ATRNL1: variants seen among roughly 807,000 people sequenced by gnomAD.
ATRNL1 encodes attractin-like protein 1.
Under a neutral mutation model 182.7 loss-of-function variants are expected in ATRNL1, and 95 were observed. The observed-to-expected ratio is 0.52, with a 90% confidence interval of 0.44 to 0.62. ATRNL1 has a LOEUF of 0.62. ATRNL1 is among the 20% of genes least tolerant of loss of function. The pLI is 0.00. For missense variants in ATRNL1, 1,471 were observed against 1,679.5 expected, an observed-to-expected ratio of 0.88 and a Z score of 2.17; for synonymous variants, 576 against 568.3, an observed-to-expected ratio of 1.01 and a Z score of -0.19.
In ATRNL1 at chr10:115,127,589, T is replaced by G. The variant is rs1845029163; in HGVS notation, c.492-4T>G. The G allele has an allele frequency of 6.2e-7, 1 of 1,608,182 alleles. No homozygotes were observed. Among genetic ancestry groups the G allele is most frequent in the Admixed American group, 1.7e-5 (1 of 59,052 alleles). ...ATACAATATTCAGTTTTGTTCTCTTTTAGTGGTTTGATAGTCCCTGAAATA... is the reference window on the plus strand; with the variant it reads ...ATACAATATTCAGTTTTGTTCTCTTGTAGTGGTTTGATAGTCCCTGAAATA... On this transcript the variant is annotated splice_polypyrimidine_tract_variant and splice_region_variant and intron_variant, in intron 3 of 28. Transcript: ENST00000355044.
chr10:115,487,937 G>T (rs781923292), intron 24 of ATRNL1, among the ~76,000 whole-genome samples: 13 of 152,108 alleles, frequency 8.5e-5, no homozygotes, highest in Non-Finnish European at 1.8e-4. Flanking sequence ...AGTATGAAAG[G>T]CTGTTGAATT....
intron 26 of ATRNL1, among the ~76,000 whole-genome samples, chr10:115,666,140 A>G (rs141831396): frequency 1.4e-3 from 207 of 152,312 alleles, no homozygotes; most frequent in African/African-American, 4.6e-3. Flanking sequence ...TGACAAAAAT[A>G]TAGATTCTTT....
chr10:115,329,155 G>A (rs555009068), intron 18 of ATRNL1, among the ~76,000 whole-genome samples: 2 of 151,864 alleles, frequency 1.3e-5, no homozygotes, highest in South Asian at 4.2e-4. Flanking sequence ...ATTTACCCAT[G>A]GCTGTTTAGG....
intron 24 of ATRNL1, among the ~76,000 whole-genome samples, chr10:115,494,653 G>A (rs979070787): frequency 6.6e-6 from 1 of 152,078 alleles, no homozygotes; most frequent in East Asian, 1.9e-4. Flanking sequence ...TATTGATCTA[G>A]GTATGTTGAA....
intron 5 of ATRNL1, 56 bp from the exon 6 acceptor site, chr10:115,159,984 C>A: frequency 7.6e-7 from 1 of 1,314,776 alleles, no homozygotes; most frequent in Non-Finnish European, 1.0e-6. Flanking sequence ...TGTTGTATTT[C>A]TATAATCTGA....
At chr10:115,190,165 A>C (rs1455466165) in intron 8 of ATRNL1, among the ~76,000 whole-genome samples, 2 of 152,158 alleles carry the variant, frequency 1.3e-5, no homozygotes, top group Non-Finnish European at 2.9e-5. Context: ...CATTTCTCAG[A>C]ATGTATCCTC....
At chr10:115,316,085 C>CCAT (rs1464859622) in intron 18 of ATRNL1, among the ~76,000 whole-genome samples, 4 of 151,784 alleles carry the variant, frequency 2.6e-5, no homozygotes, top group African/African-American at 9.7e-5. Flanking sequence ...TCCTATTGAC[C>CCAT]CATCCTCTGA....
At chr10:115,137,876 C>T (rs1370880420) in intron 5 of ATRNL1, among the ~76,000 whole-genome samples, 2 of 152,204 alleles carry the variant, frequency 1.3e-5, no homozygotes, top group Non-Finnish European at 2.9e-5. Flanking sequence ...ACTCTAAAGT[C>T]CTAAGTCTCA....
intron 25 of ATRNL1, among the ~76,000 whole-genome samples, chr10:115,547,907 C>G (rs550120345): frequency 1.3e-5 from 2 of 152,220 alleles, no homozygotes; most frequent in Middle Eastern, 3.4e-3. Context: ...TAAAAAATCA[C>G]TTGTATGGTT....
At chr10:115,393,828 G>T (rs945461518) in intron 19 of ATRNL1, among the ~76,000 whole-genome samples, 1 of 152,044 alleles carries the variant, frequency 6.6e-6, no homozygotes, top group African/African-American at 2.4e-5. Flanking sequence ...TAAGTGTGAG[G>T]TTTATGTCCT....
At chr10:115,569,961 C>T (rs1854296560) in intron 26 of ATRNL1, among the ~76,000 whole-genome samples, 2 of 152,038 alleles carry the variant, frequency 1.3e-5, no homozygotes, top group South Asian at 4.1e-4. Context: ...TAGATGGCAC[C>T]ATACAGCTGT....
intron 21 of ATRNL1, among the ~76,000 whole-genome samples, chr10:115,451,297 A>G (rs1240397255): frequency 1.3e-5 from 2 of 152,146 alleles, no homozygotes; most frequent in African/African-American, 4.8e-5. Context: ...CTTCTGCACA[A>G]CAAAGAAACT....
intron 20 of ATRNL1, among the ~76,000 whole-genome samples, chr10:115,418,630 T>C (rs1845512511): frequency 6.6e-6 from 1 of 152,044 alleles, no homozygotes; most frequent in African/African-American, 2.4e-5. Context: ...CCAATAAGAA[T>C]ACCACAAGGC....
chr10:115,688,083 T>A (rs183044729), intron 26 of ATRNL1, among the ~76,000 whole-genome samples: 1 of 152,262 alleles, frequency 6.6e-6, no homozygotes, highest in East Asian at 1.9e-4. Flanking sequence ...TTTCTGTGCC[T>A]GGCTTGTTTC....
At chr10:115,113,196 A>G (rs1844333155) in intron 1 of ATRNL1, among the ~76,000 whole-genome samples, 1 of 152,188 alleles carries the variant, frequency 6.6e-6, no homozygotes, top group Admixed American at 6.5e-5. Context: ...TGGATGGCCA[A>G]AATATAACAT....
intron 26 of ATRNL1, among the ~76,000 whole-genome samples, chr10:115,638,348 T>C (rs751162511): frequency 8.5e-5 from 13 of 152,232 alleles, no homozygotes; most frequent in East Asian, 1.9e-4. Context: ...AATGACAAAA[T>C]TGTCTAATGA....
chr10:115,797,482 C>T (rs540013346), intron 27 of ATRNL1, among the ~76,000 whole-genome samples: 1 of 152,008 alleles, frequency 6.6e-6, no homozygotes, highest in Non-Finnish European at 1.5e-5. Flanking sequence ...CATCCACAGC[C>T]CACCAACTGC....
At chr10:115,148,359 T>C (rs1209545169) in intron 5 of ATRNL1, among the ~76,000 whole-genome samples, 3 of 152,202 alleles carry the variant, frequency 2.0e-5, no homozygotes, top group Non-Finnish European at 4.4e-5. Context: ...CTATAGGTTT[T>C]CTAGATATAA....
At chr10:115,442,903 T>A (rs542446336) in intron 21 of ATRNL1, among the ~76,000 whole-genome samples, 32 of 152,070 alleles carry the variant, frequency 2.1e-4, no homozygotes, top group Admixed American at 1.8e-3. Context: ...ATATATTTTC[T>A]TAAGTATTAA....
Sources: allele counts gnomAD v4.1 joint callset (sites outside exome capture counted in the v4.1 genomes callset), GRCh38; gene constraint gnomAD v4.1.1; transcripts MANE v1.5; gene names NCBI Gene and HGNC (gene_info 2026-07-23, HGNC 2026-07-21).